The following SHOC2 variants were observed in gnomAD, a reference collection of about 807,000 sequenced individuals.
The protein encoded by SHOC2 is leucine-rich repeat protein SHOC-2.
A neutral mutation model predicts 50.2 loss-of-function variants in SHOC2; 4 were observed. That is an observed-to-expected ratio of 0.08 (90% confidence interval 0.04 to 0.18). SHOC2 has a LOEUF of 0.18. Among genes scored for constraint, SHOC2 ranks in the 10% least tolerant of loss-of-function variants. SHOC2 has a pLI of 1.00. For synonymous variants in SHOC2, 218 were observed against 244.5 expected (o/e 0.89, Z 1.01); for missense variants, 388 against 669.6 (o/e 0.58, Z 4.64).
chr10:110,979,602 A>G (rs10787294), intron 2 of SHOC2, among the ~76,000 whole-genome samples: 90,645 of 151,782 alleles, frequency 0.6, 29,676 homozygotes, highest in Non-Finnish European at 0.75. Flanking sequence ...TAAATTATCA[A>G]CACGACTTCA....
chr10:110,989,286 G>T (rs914261462), intron 3 of SHOC2, among the ~76,000 whole-genome samples: 1 of 152,072 alleles, frequency 6.6e-6, no homozygotes, highest in Non-Finnish European at 1.5e-5. Flanking sequence ...TTTGTTAACT[G>T]CATTGTCAGC....
chr10:111,011,020 T>C lies in SHOC2; in HGVS notation c.1541-590T>C, dbSNP rs17128281. Reference sequence around the variant, plus strand: ...TATTCACCTGATCTCATTTAATTGCTTGAGACATTTTCCTAGAGAATACAA... The same window carrying C: ...TATTCACCTGATCTCATTTAATTGCCTGAGACATTTTCCTAGAGAATACAA... On this transcript the variant is annotated intron_variant, in intron 8 of 8. Coordinates refer to ENST00000369452, the MANE Select transcript of SHOC2 (RefSeq NM_007373.4). Among the ~76,000 whole-genome samples, 486 of 152,330 alleles carry C rather than the reference T, an allele frequency of 3.2e-3. 26 individuals carry two copies. In the South Asian group the frequency reaches 0.093, roughly 29 times the overall value.
chr10:110,939,089 A>T (rs1005470591), intron 1 of SHOC2, among the ~76,000 whole-genome samples: 2 of 152,192 alleles, frequency 1.3e-5, no homozygotes, highest in African/African-American at 4.8e-5. Context: ...GAAATCTTGT[A>T]GCCCTCCCGA....
intron 1 of SHOC2, among the ~76,000 whole-genome samples, chr10:110,932,252 A>G (rs1846910311): frequency 1.3e-5 from 2 of 152,218 alleles, no homozygotes; most frequent in South Asian, 2.1e-4. Flanking sequence ...TGCAGGGGCT[A>G]GATCTTCAAG....
At chr10:110,961,066 A>C (rs1365720696) in intron 1 of SHOC2, among the ~76,000 whole-genome samples, 1 of 152,182 alleles carries the variant, frequency 6.6e-6, no homozygotes, top group Non-Finnish European at 1.5e-5. Flanking sequence ...GGTAGTTATT[A>C]GGTGGAGGTG....
chr10:111,008,054 A>G (rs1467174599), intron 6 of SHOC2, among the ~76,000 whole-genome samples: 1 of 150,136 alleles, frequency 6.7e-6, no homozygotes, highest in Non-Finnish European at 1.5e-5. Flanking sequence ...CCGACCTGCT[A>G]TTTTATTTAC....
At chr10:110,943,000 T>C (rs981484363) in intron 1 of SHOC2, among the ~76,000 whole-genome samples, 10 of 152,200 alleles carry the variant, frequency 6.6e-5, no homozygotes, top group Admixed American at 5.2e-4. Context: ...TCATCCTCAG[T>C]TTTCTAAGAT....
intron 1 of SHOC2, among the ~76,000 whole-genome samples, chr10:110,935,634 T>G (rs1255840110): frequency 6.6e-6 from 1 of 152,204 alleles, no homozygotes; most frequent in Non-Finnish European, 1.5e-5. Context: ...AGATCTAATA[T>G]GAGACTTTTT....
At chr10:111,009,439 A>G (rs1848528438) in intron 7 of SHOC2, 54 bp downstream of exon 7, 1 of 1,417,772 alleles carries the variant, frequency 7.1e-7, no homozygotes, top group Admixed American at 1.7e-5. Flanking sequence ...TCTGTTCCAA[A>G]TTCCACATTT....
chr10:110,965,418 GA>G lies in SHOC2; in HGVS notation c.703+361del, dbSNP rs1426331543. Among the ~76,000 whole-genome samples, 4 of 152,230 alleles carry G rather than the reference GA, an allele frequency of 2.6e-5. No homozygotes were observed. The East Asian group carries it at 7.7e-4, about 29-fold the overall frequency. ...GTTGATACAATTTTATTAGATATAT[GA>G]AAACTACATTTTCTCATTCTCTGAC... On this transcript the variant is annotated intron_variant, in intron 2 of 8. Coordinates refer to ENST00000369452, the MANE Select transcript of SHOC2 (RefSeq NM_007373.4).
intron 8 of SHOC2, among the ~76,000 whole-genome samples, chr10:111,011,093 C>G (rs1194512093): frequency 6.6e-6 from 1 of 152,110 alleles, no homozygotes; most frequent in Non-Finnish European, 1.5e-5. Flanking sequence ...CAGTTTTTGG[C>G]TTACTGCCAT....
intron 4 of SHOC2, among the ~76,000 whole-genome samples, chr10:111,001,667 TA>T (rs1848378794): frequency 6.6e-6 from 1 of 152,224 alleles, no homozygotes. Flanking sequence ...ATGTCTTACG[TA>T]AGTGCTGCTA....
Position 111,009,850 on chromosome 10 carries a change from T to C in SHOC2, c.1540+20T>C, listed in dbSNP as rs1260436342. ...AAATTGGTATGAACCCTGTGAATGCTTGACTCTGTACTAATAATTTGCTCT... is the reference window on the plus strand; with the variant it reads ...AAATTGGTATGAACCCTGTGAATGCCTGACTCTGTACTAATAATTTGCTCT... On this transcript the variant is annotated intron_variant, in intron 8 of 8. Coordinates refer to ENST00000369452, the MANE Select transcript of SHOC2 (RefSeq NM_007373.4). 1 of 1,246,706 alleles carries C rather than the reference T, an allele frequency of 8.0e-7. No homozygotes were observed. The highest frequency in any genetic ancestry group is 1.2e-5 in the South Asian group (1 of 83,752). The allele number at this position is 1,246,706 out of a possible 1,614,324, so 77.2% of individuals were successfully genotyped here.
rs143895483 is a variant in SHOC2 at position 110,964,748 on chromosome 10, A to G, written c.390A>G (p.Leu130=). The change falls in exon 2 of 9, where the codon TTA becomes TTG. Residue 130 remains leucine (L), a synonymous_variant. Transcript: ENST00000369452. The surrounding 1 kb of genome is among the most constrained non-coding windows in gnomAD (Gnocchi z 4.9). ...TGACTCAATTAACAGAACTTTATTT[A>G]TACAGTAACAAATTGCAGTCCCTCC... is the stretch of plus-strand genomic sequence containing the variant. ...KELTQLTELY[L]YSNKLQSLPA... 19 of 1,614,010 alleles carry G rather than the reference A, an allele frequency of 1.2e-5. No individual in the cohort carries two copies. Among genetic ancestry groups the G allele is most frequent in the Admixed American group, 8.3e-5 (5 of 59,986 alleles).
chr10:110,957,012 A>T (rs913638139), intron 1 of SHOC2, among the ~76,000 whole-genome samples: 1 of 152,218 alleles, frequency 6.6e-6, no homozygotes, highest in African/African-American at 2.4e-5. Context: ...TTGTTCAGAG[A>T]TCAAGAAAAC....
intron 1 of SHOC2, among the ~76,000 whole-genome samples, chr10:110,956,917 T>C (rs1162209093): frequency 6.6e-6 from 1 of 152,190 alleles, no homozygotes; most frequent in African/African-American, 2.4e-5. Flanking sequence ...TTAGCTATAT[T>C]TGTAGCCTCT....
At position 110,964,023 on chromosome 10, in the gene SHOC2, T is replaced by TAAAAA. The variant is rs1847622752; in HGVS notation, c.-234-102_-234-101insAAAAA. 18 of 418,946 alleles carry TAAAAA rather than the reference T, an allele frequency of 4.3e-5. No individual in the cohort carries two copies. Among genetic ancestry groups the TAAAAA allele is most frequent in the African/African-American group, 2.7e-4 (13 of 48,582 alleles). The allele number at this position is 418,946 out of a possible 1,614,324, so 26.0% of individuals were successfully genotyped here. On this transcript the variant is annotated intron_variant, in intron 1 of 8. Coordinates refer to ENST00000369452, the MANE Select transcript of SHOC2 (RefSeq NM_007373.4). This position sits in a 1 kb window ranked among gnomAD's most constrained non-coding sequence, Gnocchi z 4.9. ...AAGGATGTTCATAAATATTTGAGAATGAAATCATAGGAAAATGGCAAACTC... is the reference window on the plus strand; with the variant it reads ...AAGGATGTTCATAAATATTTGAGAATAAAAAGAAATCATAGGAAAATGGCAAACTC...
rs750947631 is a variant in SHOC2 at position 110,921,500 on chromosome 10, A to T, written c.-235+1843A>T. 4.6e-5 allele frequency among the ~76,000 whole-genome samples: 7 copies of T among 152,292 alleles called. No individual in the cohort carries two copies. In the South Asian group the frequency reaches 8.3e-4, roughly 18 times the overall value. On this transcript the variant is annotated intron_variant, in intron 1 of 8. Coordinates refer to ENST00000369452, the MANE Select transcript of SHOC2 (RefSeq NM_007373.4). ...GTTTCAAATTATGGACATGTCTTTA[A>T]GGGTACTGCATTTTCCCAAGGTGCT...
intron 4 of SHOC2, among the ~76,000 whole-genome samples, chr10:111,001,243 C>T (rs184710364): frequency 1.3e-5 from 2 of 149,848 alleles, no homozygotes; most frequent in Non-Finnish European, 2.9e-5. Flanking sequence ...GCTGCAACCT[C>T]TGCCTCCTGG....
Sources: gnomAD v4.1 joint callset for allele counts (sites outside exome capture counted in the v4.1 genomes callset) on GRCh38, gnomAD v4.1.1 for gene constraint, Gnocchi (gnomAD v3.1) non-coding constraint, MANE v1.5 for transcripts, NCBI Gene and HGNC (gene_info 2026-07-23, HGNC 2026-07-21) for gene names.